The following SH3GL3 variants were observed in gnomAD, a reference collection of about 807,000 sequenced individuals.
The protein encoded by SH3GL3 is SH3 domain containing GRB2 like 3, endophilin A3.
Under a neutral mutation model 47.7 loss-of-function variants are expected in SH3GL3, and 33 were observed. The ratio of observed to expected loss-of-function variants is 0.69; its 90% CI spans 0.52 to 0.92. The LOEUF (loss-of-function observed/expected upper bound fraction) is 0.92. Ranked by LOEUF, SH3GL3 falls within the 40% of genes least tolerant of loss-of-function variation. The probability of loss-of-function intolerance (pLI) is 0.00; values close to 1 mark genes in which losing one functional copy is unlikely to be tolerated. For missense variants in SH3GL3, 363 were observed against 417.8 expected (o/e 0.87, Z 1.14); for synonymous variants, 155 against 148.8 (o/e 1.04, Z -0.30).
In SH3GL3 at chr15:83,466,682, C is replaced by T. The variant is rs182044853; in HGVS notation, c.45+19104C>T. On this transcript the variant is annotated intron_variant, in intron 1 of 8. Coordinates refer to ENST00000427482, the MANE Select transcript of SH3GL3 (RefSeq NM_003027.5). Reference sequence around the variant, plus strand: ...TTACATTCCCAAGAGTTATGTGTGACAGTTTCAATTTCTCCACATCCTCTC... The same window carrying T: ...TTACATTCCCAAGAGTTATGTGTGATAGTTTCAATTTCTCCACATCCTCTC... Among the ~76,000 whole-genome samples the T allele has an allele frequency of 2.3e-3, 348 of 152,284 alleles. 1 individual carries two copies. The highest frequency in any genetic ancestry group is 4.9e-3 in the Admixed American group (75 of 15,300).
intron 6 of SH3GL3, among the ~76,000 whole-genome samples, chr15:83,577,656 T>G (rs1255448503): frequency 1.3e-5 from 2 of 152,090 alleles, no homozygotes; most frequent in Admixed American, 1.3e-4. Flanking sequence ...CCTCCCAAAG[T>G]GCTGGGATTA....
At chr15:83,596,720 C>T (rs1305746798) in intron 8 of SH3GL3, among the ~76,000 whole-genome samples, 5 of 152,136 alleles carry the variant, frequency 3.3e-5, no homozygotes, top group East Asian at 1.9e-4. Context: ...CCTTCCACCT[C>T]GGCCTCCAAA....
intron 2 of SH3GL3, among the ~76,000 whole-genome samples, chr15:83,563,734 G>A (rs2151751338): frequency 6.6e-6 from 1 of 152,058 alleles, no homozygotes; most frequent in East Asian, 1.9e-4. Flanking sequence ...CACCTTCCAG[G>A]TTCAAGCGAT....
Position 83,618,464 on chromosome 15 carries a change from T to A in SH3GL3, c.*177T>A. On this transcript the variant is annotated 3_prime_UTR_variant, in exon 9 of 9. Coordinates refer to ENST00000427482, the MANE Select transcript of SH3GL3 (RefSeq NM_003027.5). Reference sequence around the variant, plus strand: ...TTAATTTGTATAAATGATTTTCTTGTCCTTGCTACATGAAAATATTTTCTT... The same window carrying A: ...TTAATTTGTATAAATGATTTTCTTGACCTTGCTACATGAAAATATTTTCTT... The A allele has an allele frequency of 1.8e-6, 1 of 549,972 alleles. No homozygotes were observed. The allele number at this position is 549,972 out of a possible 1,614,324, so 34.1% of individuals were successfully genotyped here.
At chr15:83,631,184 G>A in the SH3GL3 span, among the ~76,000 whole-genome samples, 1 of 152,178 alleles carries the variant, frequency 6.6e-6, no homozygotes, top group Non-Finnish European at 1.5e-5. Flanking sequence ...ACTGATGCAA[G>A]AGGTGGGCTC....
intron 1 of SH3GL3, among the ~76,000 whole-genome samples, chr15:83,468,441 C>T (rs1321507892): frequency 6.6e-6 from 1 of 152,106 alleles, no homozygotes; most frequent in African/African-American, 2.4e-5. Context: ...GCCTTGTTCC[C>T]CATCTTGGGA....
At chr15:83,626,414 T>C in the SH3GL3 span, among the ~76,000 whole-genome samples, 4 of 152,222 alleles carry the variant, frequency 2.6e-5, no homozygotes, top group Admixed American at 2.6e-4. Flanking sequence ...GATTCTGCTC[T>C]GTGGGTCAAG....
At chr15:83,627,085 T>C in the SH3GL3 span, among the ~76,000 whole-genome samples, 228 of 152,166 alleles carry the variant, frequency 1.5e-3, no homozygotes, top group Non-Finnish European at 2.6e-3. Flanking sequence ...AGAAATGTGG[T>C]GGACTTTATT....
chr15:83,572,093 G>A (rs947666542), intron 4 of SH3GL3, among the ~76,000 whole-genome samples: 3 of 152,178 alleles, frequency 2.0e-5, no homozygotes, highest in African/African-American at 4.8e-5. Context: ...AGAAGGATAC[G>A]GGGAGTAGCC....
At chr15:83,474,971 C>T (rs1427955555) in intron 1 of SH3GL3, among the ~76,000 whole-genome samples, 1 of 151,556 alleles carries the variant, frequency 6.6e-6, no homozygotes, top group Non-Finnish European at 1.5e-5. Context: ...GAGTGCTTTG[C>T]TTGTAGTGAC....
intron 6 of SH3GL3, among the ~76,000 whole-genome samples, chr15:83,577,965 T>A (rs1202514863): frequency 6.6e-6 from 1 of 152,208 alleles, no homozygotes; most frequent in East Asian, 1.9e-4. Flanking sequence ...CCTTTACCTG[T>A]CATAGCCCAC....
rs139194472 is a variant in SH3GL3 at position 83,531,436 on chromosome 15, C to T, written c.46-27817C>T. ...CAGGCAATGGGAACAGCATATAAAA[C>T]GGCAGAAAGGAACAGGGTGATTCTG... On this transcript the variant is annotated intron_variant, in intron 1 of 8. Transcript: ENST00000427482. Among the ~76,000 whole-genome samples the T allele has an allele frequency of 1.2e-3, 185 of 152,126 alleles. 1 individual carries two copies. The highest frequency in any genetic ancestry group is 4.0e-3 in the African/African-American group (166 of 41,486).
chr15:83,465,853 A>C (rs978101144), intron 1 of SH3GL3, among the ~76,000 whole-genome samples: 1 of 152,180 alleles, frequency 6.6e-6, no homozygotes, highest in Non-Finnish European at 1.5e-5. Context: ...TTCACATGCA[A>C]TTATAAGAAA....
Position 83,602,737 on chromosome 15 carries a change from A to G in SH3GL3, c.838+13966A>G, listed in dbSNP as rs77685095. Among the ~76,000 whole-genome samples, 851 of 152,240 alleles carry G rather than the reference A, an allele frequency of 5.6e-3. 10 individuals are homozygous for G. Among genetic ancestry groups the G allele is most frequent in the African/African-American group, 0.02 (812 of 41,550 alleles). On this transcript the variant is annotated intron_variant, in intron 8 of 8. Transcript: ENST00000427482. The stretch of plus-strand genomic sequence containing the variant: ...TGGGCAGAAATTTCAAGGACCCCCT[A>G]CCCTGGCAGTGAAGAAAGTGTCTTG...
intron 5 of SH3GL3, among the ~76,000 whole-genome samples, chr15:83,573,269 G>A (rs1013743114): frequency 8.5e-5 from 13 of 152,210 alleles, no homozygotes; most frequent in Admixed American, 3.3e-4. Flanking sequence ...GGAGGTACAA[G>A]CACCGTCTTA....
chr15:83,461,151 A>G (rs1362569927), intron 1 of SH3GL3, among the ~76,000 whole-genome samples: 1 of 152,084 alleles, frequency 6.6e-6, no homozygotes, highest in Admixed American at 6.6e-5. Flanking sequence ...TGTTACAATG[A>G]ATTCTCATCA....
intron 8 of SH3GL3, among the ~76,000 whole-genome samples, chr15:83,602,521 A>G (rs1272343198): frequency 2.0e-5 from 3 of 152,112 alleles, no homozygotes; most frequent in African/African-American, 7.2e-5. Flanking sequence ...CACAAATCCT[A>G]CTCATGACCT....
At chr15:83,506,996 C>T (rs1414374568) in intron 1 of SH3GL3, among the ~76,000 whole-genome samples, 1 of 151,662 alleles carries the variant, frequency 6.6e-6, no homozygotes, top group African/African-American at 2.4e-5. Context: ...AGGTTTGAAA[C>T]CCTGTTTTTG....
intron 1 of SH3GL3, among the ~76,000 whole-genome samples, chr15:83,469,252 T>C (rs538319814): frequency 6.6e-6 from 1 of 152,300 alleles, no homozygotes; most frequent in Admixed American, 6.5e-5. Context: ...TTGTCAGTTT[T>C]ATTGATCTTT....
Sources: allele counts gnomAD v4.1 joint callset (sites outside exome capture counted in the v4.1 genomes callset), GRCh38; gene constraint gnomAD v4.1.1; transcripts MANE v1.5; gene names NCBI Gene and HGNC (gene_info 2026-07-23, HGNC 2026-07-21).